Variants in TRPC4 observed in about 807,000 individuals in gnomAD.
TRPC4 encodes transient receptor potential cation channel subfamily C member 4.
Under a neutral mutation model 99.4 loss-of-function variants are expected in TRPC4, and 49 were observed. That is an observed-to-expected ratio of 0.49 (90% CI 0.39 to 0.63). The LOEUF (loss-of-function observed/expected upper bound fraction) is 0.63, where lower values mean the gene tolerates loss of function less well. Among genes scored for constraint, TRPC4 ranks in the 20% least tolerant of loss-of-function variants. TRPC4 has a pLI of 0.00. For missense variants in TRPC4, 898 were observed against 1,152.9 expected, an observed-to-expected ratio of 0.78 and a Z score of 3.20; for synonymous variants, 454 against 425.9, an observed-to-expected ratio of 1.07 and a Z score of -0.81.
In TRPC4 at chr13:37,644,806, G is replaced by A. The variant is rs779521016; in HGVS notation, c.2080-5507C>T. Among the ~76,000 whole-genome samples the A allele has an allele frequency of 4.7e-4, 69 of 147,814 alleles. 1 individual carries two copies. Among genetic ancestry groups the A allele is most frequent in the Non-Finnish European group, 8.7e-4 (59 of 67,504 alleles). ...GAGAATGGCGTGAACCCGGGAGGTG[G>A]AGCCTGTGGTGAGTGCAGATCGCGC... On this transcript the variant is annotated intron_variant, in intron 8 of 10. Transcript: ENST00000379705.
intron 3 of TRPC4, among the ~76,000 whole-genome samples, chr13:37,713,527 T>C (rs1030636070): frequency 2.6e-5 from 4 of 152,126 alleles, no homozygotes; most frequent in African/African-American, 9.7e-5. Context: ...ACCAACATAG[T>C]CCCTTCAAAG....
chr13:37,726,528 C>G (rs937131488), intron 3 of TRPC4, among the ~76,000 whole-genome samples: 1 of 152,014 alleles, frequency 6.6e-6, no homozygotes, highest in Non-Finnish European at 1.5e-5. Flanking sequence ...TTACAAAAAA[C>G]AGCTATACAT....
At chr13:37,768,475 A>G (rs1956451416) in intron 2 of TRPC4, among the ~76,000 whole-genome samples, 1 of 151,158 alleles carries the variant, frequency 6.6e-6, no homozygotes, top group African/African-American at 2.4e-5. Context: ...AGAAAATATC[A>G]TACAGATTTT....
chr13:37,718,946 TA>T (rs1355186732), intron 3 of TRPC4, among the ~76,000 whole-genome samples: 11 of 151,470 alleles, frequency 7.3e-5, no homozygotes, highest in African/African-American at 2.7e-4. Flanking sequence ...TCAAACAGAA[TA>T]ACAATGAAGA....
At chr13:37,757,950 C>T (rs538487446) in intron 2 of TRPC4, among the ~76,000 whole-genome samples, 2 of 152,022 alleles carry the variant, frequency 1.3e-5, no homozygotes, top group East Asian at 3.9e-4. Flanking sequence ...TAAAAAATAG[C>T]ACTTTATTTT....
chr13:37,650,610 T>TCTAC (rs763182248), intron 8 of TRPC4, among the ~76,000 whole-genome samples: 9 of 65,086 alleles, frequency 1.4e-4, no homozygotes, highest in Admixed American at 2.0e-4. Flanking sequence ...TCTCTCTCTC[T>TCTAC]ATACACACAC....
intron 1 of TRPC4, among the ~76,000 whole-genome samples, chr13:37,792,514 A>G (rs952194582): frequency 2.0e-5 from 3 of 152,200 alleles, no homozygotes; most frequent in African/African-American, 7.2e-5. Flanking sequence ...CTTGTTTACA[A>G]TGAAGGCATA....
chr13:37,660,240 T>C (rs914523248), intron 6 of TRPC4, among the ~76,000 whole-genome samples: 2 of 151,912 alleles, frequency 1.3e-5, no homozygotes, highest in Admixed American at 1.3e-4. Context: ...AGATTTGAAG[T>C]GAAAAAGGTA....
intron 4 of TRPC4, among the ~76,000 whole-genome samples, chr13:37,682,577 G>A (rs1953285021): frequency 6.6e-6 from 1 of 152,148 alleles, no homozygotes; most frequent in Non-Finnish European, 1.5e-5. Flanking sequence ...AGAGTTTACA[G>A]AAAATTGTAG....
At chr13:37,653,353 T>A (rs1161807704) in intron 7 of TRPC4, among the ~76,000 whole-genome samples, 3 of 151,710 alleles carry the variant, frequency 2.0e-5, no homozygotes, top group Admixed American at 6.6e-5. Context: ...ATTTTCCTCT[T>A]TTTCATGGTT....
chr13:37,686,254 G>C (rs1181769995), intron 4 of TRPC4, among the ~76,000 whole-genome samples: 5 of 151,800 alleles, frequency 3.3e-5, no homozygotes, highest in Admixed American at 3.3e-4. Flanking sequence ...CACAAGACAG[G>C]AAGAATTATA....
At position 37,867,121 on chromosome 13, in the gene TRPC4, A is replaced by G. The variant is rs1959812530; in HGVS notation, c.-28+2474T>C. ...TTATTGTATTTTCCCTTTACCTGAC[A>G]TTATTTTCAAAAATACAACAATCAT... On this transcript the variant is annotated intron_variant, in intron 1 of 10. Coordinates refer to ENST00000379705, the MANE Select transcript of TRPC4 (RefSeq NM_016179.4). Among the ~76,000 whole-genome samples the G allele has an allele frequency of 3.3e-5, 5 of 151,974 alleles. No homozygotes were observed. In the South Asian group the frequency reaches 6.2e-4, roughly 19 times the overall value.
At chr13:37,752,311 G>A (rs1007568469) in intron 2 of TRPC4, among the ~76,000 whole-genome samples, 1 of 151,490 alleles carries the variant, frequency 6.6e-6, no homozygotes, top group Non-Finnish European at 1.5e-5. Context: ...TAGAACATTC[G>A]GCTGCCATTC....
intron 1 of TRPC4, among the ~76,000 whole-genome samples, chr13:37,786,566 A>C (rs1956976320): frequency 6.6e-6 from 1 of 152,112 alleles, no homozygotes; most frequent in Non-Finnish European, 1.5e-5. Context: ...CTGAGCTGAC[A>C]CACTTATCAT....
intron 3 of TRPC4, among the ~76,000 whole-genome samples, chr13:37,744,255 A>G (rs1955676360): frequency 6.6e-6 from 1 of 152,198 alleles, no homozygotes; most frequent in Non-Finnish European, 1.5e-5. Flanking sequence ...AATATCTTTC[A>G]AGTCTAAAGC....
chr13:37,716,763 C>T (rs528443321), intron 3 of TRPC4, among the ~76,000 whole-genome samples: 1 of 152,194 alleles, frequency 6.6e-6, no homozygotes, highest in Non-Finnish European at 1.5e-5. Flanking sequence ...TTAATCGTTA[C>T]AAGTCTCAAC....
At chr13:37,757,299 T>G (rs959196547) in intron 2 of TRPC4, among the ~76,000 whole-genome samples, 1 of 152,048 alleles carries the variant, frequency 6.6e-6, no homozygotes, top group East Asian at 1.9e-4. Context: ...CATTCATAAT[T>G]GAAGGAAATT....
Position 37,798,304 on chromosome 13 carries a change from T to C in TRPC4, c.-27-14944A>G, listed in dbSNP as rs1033958476. ...CTGGCTCCTAGAGCTCGGCTATTTC[T>C]CTGCTTCTTGATGATCCAGCTGCCT... On this transcript the variant is annotated intron_variant, in intron 1 of 10. Transcript: ENST00000379705. 2.1e-4 allele frequency among the ~76,000 whole-genome samples: 32 copies of C among 152,268 alleles called. 1 individual carries two copies. The highest frequency in any genetic ancestry group is 2.0e-3 in the Admixed American group (31 of 15,288).
chr13:37,664,313 C>A (rs936750211), intron 5 of TRPC4, among the ~76,000 whole-genome samples: 6 of 152,140 alleles, frequency 3.9e-5, no homozygotes, highest in African/African-American at 1.4e-4. Flanking sequence ...GTGGCTGATG[C>A]CTGTAATCCC....
Sources: gnomAD v4.1 joint callset for allele counts (sites outside exome capture counted in the v4.1 genomes callset) on GRCh38, gnomAD v4.1.1 for gene constraint, MANE v1.5 for transcripts, NCBI Gene and HGNC (gene_info 2026-07-23, HGNC 2026-07-21) for gene names.